Variants in ARHGAP17 observed in about 807,000 individuals in gnomAD.
The protein encoded by ARHGAP17 is rho GTPase-activating protein 17.
In ARHGAP17, 57 loss-of-function variants were observed where a neutral mutation model predicts 99.5. The observed-to-expected ratio is 0.57, with a 90% CI of 0.46 to 0.71. ARHGAP17 has a LOEUF of 0.71. ARHGAP17 is among the 30% of genes least tolerant of loss of function. The pLI is 0.00. For missense variants in ARHGAP17, 1,000 were observed against 1,122.4 expected (o/e 0.89, Z 1.56); for synonymous variants, 417 against 429.6 (o/e 0.97, Z 0.36).
rs2052271325 is a variant in ARHGAP17, at chr16:24,968,760, C to A, written c.285G>T (p.Glu95Asp). Residue 95 changes from glutamate to aspartate, a missense_variant, in exon 5 of 20, where the codon GAG (glutamate) becomes GAT (aspartate). Around this residue, in one of 2 missense-constraint regions of ARHGAP17, gnomAD observed 472 missense variants for 611.1 expected, o/e 0.77. Transcript: ENST00000289968. ...GCTGATTCTCAGCATCTCCACACGT[C>A]TCCAGCATCTTCCTTTAAAAACAAG... ...LEDSLLGKML[E>D]TCGDAENQLA... is the part of the protein sequence containing the mutation. 1 of 1,614,174 alleles carries A rather than the reference C, an allele frequency of 6.2e-7. No homozygotes were observed. Among genetic ancestry groups the A allele is most frequent in the Non-Finnish European group, 8.5e-7 (1 of 1,180,024 alleles).
At chr16:25,007,267 G>A (rs2053532102) in intron 1 of ARHGAP17, among the ~76,000 whole-genome samples, 1 of 152,108 alleles carries the variant, frequency 6.6e-6, no homozygotes, top group Admixed American at 6.6e-5. Flanking sequence ...AATATTTTAT[G>A]TGCAAAGAAC....
chr16:24,976,428 C>T (rs2052517664), intron 3 of ARHGAP17, among the ~76,000 whole-genome samples: 1 of 152,048 alleles, frequency 6.6e-6, no homozygotes, highest in Non-Finnish European at 1.5e-5. Context: ...GCTTGGGAGA[C>T]TGAAGCAGGA....
intron 12 of ARHGAP17, 54 bp downstream of exon 12, chr16:24,952,235 A>G: frequency 7.3e-7 from 1 of 1,371,208 alleles, no homozygotes; most frequent in African/African-American, 1.4e-5. Context: ...CAAATAGGGC[A>G]CAATATCACT....
chr16:24,987,177 G>T (rs1048875657), intron 1 of ARHGAP17, among the ~76,000 whole-genome samples: 3 of 152,194 alleles, frequency 2.0e-5, no homozygotes, highest in Non-Finnish European at 4.4e-5. Flanking sequence ...CAGCACAAAA[G>T]CTGCCACAGA....
intron 18 of ARHGAP17, 129 bp from the exon 19 acceptor site, chr16:24,931,533 G>A: frequency 1.1e-6 from 1 of 905,012 alleles, no homozygotes; most frequent in Non-Finnish European, 1.5e-6. Flanking sequence ...ATGAGAGGTG[G>A]TCAGGAGGGC....
In ARHGAP17 at chr16:24,939,462, G is replaced by C. The variant is rs754986220; in HGVS notation, c.1626C>G (p.Pro542=). The C allele has an allele frequency of 1.9e-6, 3 of 1,611,300 alleles. No individual in the cohort carries two copies. Among genetic ancestry groups the C allele is most frequent in the Admixed American group, 1.7e-5 (1 of 59,658 alleles). Residue 542 remains proline, a synonymous_variant, in exon 17 of 20, where the codon CCC becomes CCG. Coordinates refer to ENST00000289968, the MANE Select transcript of ARHGAP17 (RefSeq NM_001006634.3). ...GSTVVPAGPE[P]PPQSSRAESS... ...TTTCAGCCCTAGAGCTCTGGGGAGG[G>C]GGCTCTGGGCCAGCGGGCACCACGG... is the stretch of plus-strand genomic sequence containing the variant.
chr16:24,966,111 G>A (rs1366055095), intron 6 of ARHGAP17, among the ~76,000 whole-genome samples: 1 of 152,206 alleles, frequency 6.6e-6, no homozygotes, highest in Admixed American at 6.5e-5. Context: ...AGCATTTGCT[G>A]CCTTGTTTAA....
intron 9 of ARHGAP17, among the ~76,000 whole-genome samples, chr16:24,957,907 G>T (rs1201222962): frequency 6.6e-6 from 1 of 152,108 alleles, no homozygotes; most frequent in Non-Finnish European, 1.5e-5. Context: ...TGTGGGGGCA[G>T]GTCACACTTT....
chr16:24,949,126 C>A, intron 13 of ARHGAP17: 1 of 296,392 alleles, frequency 3.4e-6, no homozygotes, highest in Non-Finnish European at 6.2e-6. Context: ...TACAGTCACT[C>A]AAACTTTTCA....
At chr16:24,942,209 AC>A in intron 15 of ARHGAP17, 66 bp from the exon 16 acceptor site, 1 of 1,490,002 alleles carries the variant, frequency 6.7e-7, no homozygotes, top group South Asian at 1.3e-5. Flanking sequence ...GCTCTAAGAC[AC>A]CCCTCATTGG....
chr16:24,995,369 G>A (rs1475333873), intron 1 of ARHGAP17, among the ~76,000 whole-genome samples: 2 of 152,320 alleles, frequency 1.3e-5, no homozygotes, highest in Non-Finnish European at 2.9e-5. Flanking sequence ...TGAAACTGGT[G>A]ATGGCTTCTG....
chr16:24,946,116 C>T (rs948549034), intron 14 of ARHGAP17, among the ~76,000 whole-genome samples: 6 of 152,112 alleles, frequency 3.9e-5, no homozygotes, highest in Admixed American at 1.3e-4. Flanking sequence ...GCGGATCCCC[C>T]GACCCCTCCT....
intron 4 of ARHGAP17, 114 bp downstream of exon 4, chr16:24,970,393 G>A (rs1597429759): frequency 1.5e-5 from 15 of 992,026 alleles, no homozygotes; most frequent in Middle Eastern, 2.3e-4. Flanking sequence ...CCTAGCGGAT[G>A]AGCCATGCCA....
chr16:24,954,992 G>A, intron 9 of ARHGAP17: 7 of 420,880 alleles, frequency 1.7e-5, no homozygotes, highest in South Asian at 1.1e-4. Flanking sequence ...AGCTGCAGTG[G>A]CACGCTGCAC....
At chr16:24,967,087 G>A (rs931683115) in intron 6 of ARHGAP17, among the ~76,000 whole-genome samples, 2 of 152,216 alleles carry the variant, frequency 1.3e-5, no homozygotes, top group African/African-American at 4.8e-5. Context: ...CAAATGGGCT[G>A]ACATAAAATG....
chr16:24,972,710 T>A (rs577312049), intron 3 of ARHGAP17: 2 of 152,190 alleles, frequency 1.3e-5, no homozygotes, highest in African/African-American at 2.4e-5. Flanking sequence ...GGAAAAAAAA[T>A]AATAGAAAAC....
rs569039543 is a variant in ARHGAP17 at position 24,931,043 on chromosome 16, G to A, written c.2256C>T (p.His752=). The change falls in exon 19 of 20, where the codon CAC becomes CAT. Residue 752 remains histidine (H), a synonymous_variant. Transcript: ENST00000289968. ...GGGGCGTTGGAGTCTGGGGAGGGGT[G>A]TGAGATGGCTGCTCAAGTCCATGCT... ...PSEHGLEQPS[H]TPPQTPTPPS... is the part of the protein sequence containing the mutation. 6.5e-5 allele frequency: 105 copies of A among 1,609,468 alleles called. 2 individuals are homozygous for A. The South Asian group carries it at 1.1e-3, about 16-fold the overall frequency.
chr16:24,989,737 A>AT (rs1350983908), intron 1 of ARHGAP17, among the ~76,000 whole-genome samples: 12 of 152,208 alleles, frequency 7.9e-5, no homozygotes, highest in African/African-American at 2.7e-4. Context: ...AAAATGAGAC[A>AT]TTTTTTGAAA....
At chr16:24,932,141 GA>G (rs2051011809) in intron 18 of ARHGAP17, among the ~76,000 whole-genome samples, 1 of 151,660 alleles carries the variant, frequency 6.6e-6, no homozygotes, top group South Asian at 2.1e-4. Context: ...GGGATGGGGG[GA>G]CTAGCCCAAT....
Sources: allele counts gnomAD v4.1 joint callset (sites outside exome capture counted in the v4.1 genomes callset), GRCh38; gene constraint gnomAD v4.1.1; regional missense constraint gnomAD v4.1.1; transcripts MANE v1.5; gene names NCBI Gene and HGNC (gene_info 2026-07-23, HGNC 2026-07-21).